CUX1: variants seen among roughly 807,000 people sequenced by gnomAD.
CUX1 encodes the protein cut like homeobox 1.
Under a neutral mutation model 158.8 loss-of-function variants are expected in CUX1, and 31 were observed. The ratio of observed to expected loss-of-function variants is 0.20; its 90% CI spans 0.15 to 0.26. The LOEUF (loss-of-function observed/expected upper bound fraction) is 0.26. Ranked by LOEUF, CUX1 falls within the 10% of genes least tolerant of loss-of-function variation. The probability of loss-of-function intolerance (pLI) is 1.00; values close to 1 mark genes in which losing one functional copy is unlikely to be tolerated. For synonymous variants in CUX1, 879 were observed against 862.1 expected (o/e 1.02, Z -0.34); for missense variants, 1,589 against 2,014.6 (o/e 0.79, Z 4.04).
chr7:102,027,936 T>C (rs1820240952), intron 2 of CUX1, among the ~76,000 whole-genome samples, 162 bp from the exon 3 acceptor site: 1 of 152,192 alleles, frequency 6.6e-6, no homozygotes, highest in Admixed American at 6.5e-5. Context: ...CAGTTGGCGT[T>C]ATTGATGTTT....
At chr7:101,989,985 C>T (rs902861213) in intron 2 of CUX1, among the ~76,000 whole-genome samples, 1 of 152,222 alleles carries the variant, frequency 6.6e-6, no homozygotes, top group Non-Finnish European at 1.5e-5. Context: ...ACAGTGGAGC[C>T]ATGGCCCGAC....
In CUX1 at chr7:102,249,381, C is replaced by A; in HGVS notation, c.*339C>A. 1.0e-6 allele frequency: 1 copy of A among 994,720 alleles called. No individual in the cohort carries two copies. Among genetic ancestry groups the A allele is most frequent in the Non-Finnish European group, 1.2e-6 (1 of 835,852 alleles). 61.6% of individuals were successfully genotyped at this position (994,720 alleles called of 1,614,324 possible). ...GCCACAGGGCAAAATCGCCATAGGC[C>A]AAGGTGCATATAGAAAACAAAGGAG... On this transcript the variant is annotated 3_prime_UTR_variant, in exon 24 of 24. Transcript: ENST00000292535.
At chr7:101,903,824 G>A (rs1304113203) in intron 1 of CUX1, among the ~76,000 whole-genome samples, 1 of 151,996 alleles carries the variant, frequency 6.6e-6, no homozygotes, top group Non-Finnish European at 1.5e-5. Flanking sequence ...TTGTGACGGG[G>A]TGAAAAACAA....
intron 1 of CUX1, among the ~76,000 whole-genome samples, chr7:101,831,259 A>AC (rs952904986): frequency 2.6e-5 from 4 of 151,316 alleles, no homozygotes; most frequent in Non-Finnish European, 5.9e-5. Flanking sequence ...GAGTGACCAG[A>AC]CAGTAGGGAA....
Position 101,852,905 on chromosome 7 carries a change from T to C in CUX1, c.30+35236T>C, listed in dbSNP as rs905804814. ...GTTGCCCAGGCTGGTCTTGAACTCCTGACCTCAGGTGATCCACCTGCCTCG... is the reference window on the plus strand; with the variant it reads ...GTTGCCCAGGCTGGTCTTGAACTCCCGACCTCAGGTGATCCACCTGCCTCG... On this transcript the variant is annotated intron_variant, in intron 1 of 23. Coordinates refer to ENST00000292535, the MANE Select transcript of CUX1 (RefSeq NM_181552.4). 2.0e-5 allele frequency among the ~76,000 whole-genome samples: 3 copies of C among 152,078 alleles called. No individual in the cohort carries two copies. In the East Asian group the frequency reaches 5.8e-4, roughly 30 times the overall value.
At chr7:102,192,483 T>C (rs990316123) in intron 12 of CUX1, among the ~76,000 whole-genome samples, 3 of 152,182 alleles carry the variant, frequency 2.0e-5, no homozygotes, top group African/African-American at 7.2e-5. Context: ...GGTCTTTTAT[T>C]ACATAATCCT....
chr7:101,984,089 A>AAAAAAAAAAT (rs1221503978), intron 2 of CUX1, among the ~76,000 whole-genome samples: 1 of 29,844 alleles, frequency 3.4e-5, no homozygotes, highest in African/African-American at 1.2e-4. Context: ...AAAAAAAAAA[A>AAAAAAAAAAT]ATATATATAT....
At position 101,851,829 on chromosome 7, in the gene CUX1, CT is replaced by C. The variant is rs59542926; in HGVS notation, c.30+34172del. 9.7e-5 allele frequency among the ~76,000 whole-genome samples: 14 copies of C among 144,860 alleles called. No homozygotes were observed. In the South Asian group the frequency reaches 1.1e-3, roughly 11 times the overall value. On this transcript the variant is annotated intron_variant, in intron 1 of 23. Coordinates refer to ENST00000292535, the MANE Select transcript of CUX1 (RefSeq NM_181552.4). ...TACTTTTCATTTGTCTTTCTTCTCT[CT>C]TTTTTTTTTTTCTTTTGAGACAGCG...
At chr7:101,888,654 A>T (rs932837260) in intron 1 of CUX1, among the ~76,000 whole-genome samples, 4 of 151,986 alleles carry the variant, frequency 2.6e-5, no homozygotes, top group African/African-American at 9.7e-5. Context: ...CGGTGGTGCA[A>T]TCTCAGCTCA....
chr7:101,941,266 C>G (rs1807681568), intron 2 of CUX1, among the ~76,000 whole-genome samples: 1 of 152,174 alleles, frequency 6.6e-6, no homozygotes, highest in Non-Finnish European at 1.5e-5. Flanking sequence ...CTCTGGCCTA[C>G]TTTTTGCCAT....
At chr7:101,885,518 C>T (rs2131593243) in intron 1 of CUX1, among the ~76,000 whole-genome samples, 1 of 152,244 alleles carries the variant, frequency 6.6e-6, no homozygotes, top group East Asian at 1.9e-4. Flanking sequence ...ATGATTGCAC[C>T]ACTGCTCTCC....
At chr7:102,022,514 G>T (rs1220640952) in intron 2 of CUX1, among the ~76,000 whole-genome samples, 1 of 151,944 alleles carries the variant, frequency 6.6e-6, no homozygotes, top group Non-Finnish European at 1.5e-5. Flanking sequence ...GCTGCTCGGG[G>T]TGCTGAGATG....
intron 1 of CUX1, among the ~76,000 whole-genome samples, chr7:101,867,143 G>A (rs558887436): frequency 1.2e-4 from 19 of 152,294 alleles, no homozygotes; most frequent in Middle Eastern, 6.8e-3. Context: ...CTTGAACCTC[G>A]GAGGCGGAGG....
At chr7:102,053,644 A>G (rs1823792066) in intron 3 of CUX1, among the ~76,000 whole-genome samples, 1 of 152,042 alleles carries the variant, frequency 6.6e-6, no homozygotes, top group Non-Finnish European at 1.5e-5. Context: ...CCAAGAGTTA[A>G]AAATTGTTTT....
chr7:101,933,209 T>C, intron 2 of CUX1, among the ~76,000 whole-genome samples: 1 of 152,200 alleles, frequency 6.6e-6, no homozygotes, highest in East Asian at 1.9e-4. Context: ...TCACCTTTTT[T>C]TTTTCCTTTT....
At chr7:102,106,079 C>CTTTTTTTTTT (rs782580660) in intron 6 of CUX1, among the ~76,000 whole-genome samples, 5 of 72,270 alleles carry the variant, frequency 6.9e-5, no homozygotes, top group Non-Finnish European at 7.7e-5. Flanking sequence ...TTTCTTTTTT[C>CTTTTTTTTTT]TTTTTTTTTT....
rs1444918203 is a variant in CUX1 at position 102,253,187 on chromosome 7, G to A, written c.*4145G>A. On this transcript the variant is annotated 3_prime_UTR_variant, in exon 24 of 24. Transcript: ENST00000292535. ...CTGATGTGGACGTTCAGGTCTGCTG[G>A]TTGGCGGTCCGGGCCCAGAGTGCAG... The A allele has an allele frequency of 3.0e-6, 3 of 985,366 alleles. No homozygotes were observed. Among genetic ancestry groups the A allele is most frequent in the Admixed American group, 6.1e-5 (1 of 16,262 alleles). 61.0% of individuals were successfully genotyped at this position (985,366 alleles called of 1,614,324 possible).
downstream of CUX1, among the ~76,000 whole-genome samples, chr7:102,261,706 C>G (rs1368139012): frequency 6.6e-6 from 1 of 152,044 alleles, no homozygotes; most frequent in African/African-American, 2.4e-5. Flanking sequence ...CCAGCAGCGT[C>G]TCTTAGTGGC....
At chr7:102,154,004 A>C (rs1213830910) in intron 8 of CUX1, 1 of 152,286 alleles carries the variant, frequency 6.6e-6, no homozygotes. Flanking sequence ...GGAGCAAAGA[A>C]GAAAGGATAC....
Sources: allele counts gnomAD v4.1 joint callset (sites outside exome capture counted in the v4.1 genomes callset), GRCh38; gene constraint gnomAD v4.1.1; transcripts MANE v1.5; gene names NCBI Gene and HGNC (gene_info 2026-07-23, HGNC 2026-07-21).